Variants in CSMD1 observed in about 807,000 individuals in gnomAD.
CSMD1 encodes the protein CUB and Sushi multiple domains 1, also known as CUB and sushi domain-containing protein 1.
Under a neutral mutation model 417.5 loss-of-function variants are expected in CSMD1, and 213 were observed. That is an observed-to-expected ratio of 0.51 (90% CI 0.46 to 0.57). The LOEUF is 0.57. Among genes scored for constraint, CSMD1 ranks in the 20% least tolerant of loss-of-function variants. The pLI is 0.00. For missense variants in CSMD1, 6,923 were observed against 4,529.7 expected, an observed-to-expected ratio of 1.53 and a Z score of -15.17; for synonymous variants, 2,862 against 1,736.8, an observed-to-expected ratio of 1.65 and a Z score of -16.11.
chr8:4,075,758 T>G (rs1799788717), intron 3 of CSMD1, among the ~76,000 whole-genome samples: 1 of 152,132 alleles, frequency 6.6e-6, no homozygotes, highest in African/African-American at 2.4e-5. Flanking sequence ...CCTTTCAGAA[T>G]TTTTCCACCC....
intron 1 of CSMD1, among the ~76,000 whole-genome samples, chr8:4,827,908 T>A (rs1271955959): frequency 1.3e-5 from 2 of 152,314 alleles, no homozygotes; most frequent in Admixed American, 1.3e-4. Context: ...TGAAATACAA[T>A]GAAAAATGTC....
chr8:3,392,928 C>G (rs1210976444), intron 17 of CSMD1, among the ~76,000 whole-genome samples: 1 of 152,116 alleles, frequency 6.6e-6, no homozygotes, highest in Non-Finnish European at 1.5e-5. Context: ...CCGCAGGTAA[C>G]CCTTAGGTGC....
chr8:3,392,880 T>C (rs1811433358), intron 17 of CSMD1, among the ~76,000 whole-genome samples: 1 of 152,034 alleles, frequency 6.6e-6, no homozygotes, highest in African/African-American at 2.4e-5. Flanking sequence ...AACCAGAACA[T>C]CTGAGCTGGT....
chr8:3,792,216 C>A (rs941052610), intron 5 of CSMD1, among the ~76,000 whole-genome samples: 1 of 151,972 alleles, frequency 6.6e-6, no homozygotes, highest in Non-Finnish European at 1.5e-5. Context: ...TCGCTCAAGC[C>A]CAGGAGGGCG....
chr8:4,874,035 T>C (rs961911040), intron 1 of CSMD1, among the ~76,000 whole-genome samples: 2 of 152,268 alleles, frequency 1.3e-5, no homozygotes, highest in South Asian at 4.1e-4. Context: ...CTATCATCTA[T>C]CTATCTGTGT....
chr8:3,328,468 T>C (rs932255090), intron 23 of CSMD1, among the ~76,000 whole-genome samples: 1 of 152,216 alleles, frequency 6.6e-6, no homozygotes, highest in Non-Finnish European at 1.5e-5. Flanking sequence ...CAAAATTTTG[T>C]CTGTTGCTAC....
intron 2 of CSMD1, among the ~76,000 whole-genome samples, chr8:4,594,566 G>T (rs143257465): frequency 6.6e-6 from 1 of 152,030 alleles, no homozygotes; most frequent in East Asian, 1.9e-4. Context: ...TGATGTGTGC[G>T]TTTTTTTGGA....
chr8:4,606,618 G>A lies in CSMD1; in HGVS notation c.302+30724C>T, dbSNP rs193018333. Reference sequence around the variant, plus strand: ...GAGAACCACTTGAAATTAGCAAAACGGAGACAAATATGGGCTTAAGATTGC... The same window carrying A: ...GAGAACCACTTGAAATTAGCAAAACAGAGACAAATATGGGCTTAAGATTGC... On this transcript the variant is annotated intron_variant, in intron 2 of 69. Coordinates refer to ENST00000635120, the MANE Select transcript of CSMD1 (RefSeq NM_033225.6). Among the ~76,000 whole-genome samples the A allele has an allele frequency of 1.2e-3, 176 of 152,234 alleles. 1 individual carries two copies. The highest frequency in any genetic ancestry group is 3.6e-3 in the African/African-American group (150 of 41,556).
At chr8:3,594,643 G>A (rs1801008825) in intron 8 of CSMD1, among the ~76,000 whole-genome samples, 1 of 152,116 alleles carries the variant, frequency 6.6e-6, no homozygotes, top group Non-Finnish European at 1.5e-5. Flanking sequence ...TATACCCTCT[G>A]CCTCCACCTC....
chr8:3,385,254 T>G (rs773286753), intron 18 of CSMD1, among the ~76,000 whole-genome samples: 1 of 149,260 alleles, frequency 6.7e-6, no homozygotes, highest in Non-Finnish European at 1.5e-5. Context: ...TATGTATGTA[T>G]ACATGTGTAT....
chr8:3,921,635 C>G (rs1809273394), intron 5 of CSMD1, among the ~76,000 whole-genome samples: 1 of 151,868 alleles, frequency 6.6e-6, no homozygotes, highest in Non-Finnish European at 1.5e-5. Context: ...CTTTTGATTT[C>G]TTCCTTCCCC....
At chr8:4,726,991 A>G (rs1283855891) in intron 1 of CSMD1, among the ~76,000 whole-genome samples, 1 of 152,194 alleles carries the variant, frequency 6.6e-6, no homozygotes, top group Non-Finnish European at 1.5e-5. Flanking sequence ...ATGGAAAATG[A>G]GACCCCTATA....
chr8:4,204,551 G>C (rs1447691781), intron 3 of CSMD1, among the ~76,000 whole-genome samples: 2 of 152,134 alleles, frequency 1.3e-5, no homozygotes, highest in Non-Finnish European at 2.9e-5. Flanking sequence ...AAGAAATTAT[G>C]ACACCTTTTC....
rs114455413 is a variant in CSMD1, at chr8:3,967,614, T to G, written c.818+30289A>C. 4.9e-3 allele frequency among the ~76,000 whole-genome samples: 751 copies of G among 152,162 alleles called. 9 individuals carry two copies. The highest frequency in any genetic ancestry group is 0.017 in the African/African-American group (717 of 41,498). On this transcript the variant is annotated intron_variant, in intron 5 of 69. Coordinates refer to ENST00000635120, the MANE Select transcript of CSMD1 (RefSeq NM_033225.6). ...GTCAGACGGTTCACAACTGATTTAT[T>G]TTTACGTGCATTACTCACATTTCCC...
At chr8:4,007,753 C>A (rs1403680455) in intron 4 of CSMD1, among the ~76,000 whole-genome samples, 1 of 152,002 alleles carries the variant, frequency 6.6e-6, no homozygotes, top group Non-Finnish European at 1.5e-5. Flanking sequence ...GCAAACAAGC[C>A]TCTATTCATT....
At chr8:4,529,557 T>C (rs192749533) in intron 2 of CSMD1, among the ~76,000 whole-genome samples, 5 of 152,296 alleles carry the variant, frequency 3.3e-5, no homozygotes, top group Admixed American at 6.5e-5. Context: ...TAAATATAAG[T>C]AGATAAAACT....
intron 33 of CSMD1, among the ~76,000 whole-genome samples, chr8:3,193,322 C>G (rs1796522189): frequency 6.6e-6 from 1 of 152,112 alleles, no homozygotes; most frequent in Non-Finnish European, 1.5e-5. Context: ...ACACCTGCAT[C>G]TGGATAACAA....
At chr8:4,494,000 T>C (rs1286953416) in intron 2 of CSMD1, among the ~76,000 whole-genome samples, 3 of 152,136 alleles carry the variant, frequency 2.0e-5, no homozygotes, top group South Asian at 4.1e-4. Context: ...CATGTACACA[T>C]AGATATAGGA....
chr8:3,850,972 T>A (rs1004059765), intron 5 of CSMD1, among the ~76,000 whole-genome samples: 20 of 152,222 alleles, frequency 1.3e-4, no homozygotes, highest in African/African-American at 4.8e-4. Context: ...AAATAACAGA[T>A]GAGTATAATA....
Sources: allele counts gnomAD v4.1 joint callset (sites outside exome capture counted in the v4.1 genomes callset), GRCh38; gene constraint gnomAD v4.1.1; transcripts MANE v1.5; gene names NCBI Gene and HGNC (gene_info 2026-07-23, HGNC 2026-07-21).